The following TRIM61 variants were observed in gnomAD, a reference collection of about 807,000 sequenced individuals.
TRIM61 encodes the protein tripartite motif containing 61.
TRIM61 carries 1 observed loss-of-function variant against 14.2 expected under a neutral mutation model. The observed-to-expected ratio is 0.07, with a 90% CI of 0.03 to 0.33. TRIM61 has a LOEUF of 0.33. Ranked by LOEUF, TRIM61 falls within the 10% of genes least tolerant of loss-of-function variation. The pLI is 0.99. For missense variants in TRIM61, 19 were observed against 202.2 expected (o/e 0.09, Z 5.49); for synonymous variants, 8 against 71.6 (o/e 0.11, Z 4.49).
At chr4:164,971,494 G>A (rs1332075205) in intron 2 of TRIM61, among the ~76,000 whole-genome samples, 3 of 151,934 alleles carry the variant, frequency 2.0e-5, no homozygotes, top group African/African-American at 4.8e-5. Context: ...AGGAGGCTGA[G>A]GCAGGAGAAT....
chr4:164,970,446 G>A (rs1338370406), intron 2 of TRIM61, 107 bp from the exon 3 acceptor site: 3 of 173,902 alleles, frequency 1.7e-5, no homozygotes, highest in Non-Finnish European at 3.7e-5. Context: ...GGAAGTTCTT[G>A]GAAAAACAAG....
chr4:164,966,252 T>C (rs934220293), intron 3 of TRIM61, among the ~76,000 whole-genome samples: 5 of 152,144 alleles, frequency 3.3e-5, no homozygotes, highest in African/African-American at 9.7e-5. Flanking sequence ...GAAACTGTTA[T>C]AGAAAAAGCA....
rs1206019334 is a variant in TRIM61 at position 164,954,561 on chromosome 4, A to T, written c.*224T>A. 1.3e-5 allele frequency: 2 copies of T among 152,220 alleles called. No homozygotes were observed. Among genetic ancestry groups the T allele is most frequent in the Non-Finnish European group, 2.9e-5 (2 of 68,038 alleles). The allele number at this position is 152,220 out of a possible 1,614,324, so 9.4% of individuals were successfully genotyped here. A position where few individuals can be genotyped will look rare whatever the true frequency, so the allele number is the denominator to read the frequency against. ...TGATTATAATTCAATATGTTCTTGT[A>T]TTAATTAGCATATTTATATGTACAT... On this transcript the variant is annotated 3_prime_UTR_variant, in exon 5 of 5. Coordinates refer to ENST00000329314, the MANE Select transcript of TRIM61 (RefSeq NM_001012414.3).
In TRIM61 at chr4:164,977,590, C is replaced by T. The variant is rs553966856; in HGVS notation, c.-535G>A. The T allele has an allele frequency of 6.6e-6, 1 of 152,352 alleles. No homozygotes were observed. Among genetic ancestry groups the T allele is most frequent in the South Asian group, 2.1e-4 (1 of 4,822 alleles). The allele number at this position is 152,352 out of a possible 1,614,324, so 9.4% of individuals were successfully genotyped here. A position where few individuals can be genotyped will look rare whatever the true frequency, so the allele number is the denominator to read the frequency against. ...ATACTCAGGACCCACCGAGCCCCCG[C>T]GAGGAAGGACTCATACCCCAACCCC... On this transcript the variant is annotated 5_prime_UTR_variant, in exon 1 of 5. Coordinates refer to ENST00000329314, the MANE Select transcript of TRIM61 (RefSeq NM_001012414.3).
intron 3 of TRIM61, chr4:164,957,309 A>G: frequency 1.2e-6 from 2 of 1,614,142 alleles, no homozygotes; most frequent in Non-Finnish European, 1.7e-6. Context: ...TGGTGCCCAG[A>G]GAGGAATTTT....
chr4:164,955,034 G>A lies in TRIM61; in HGVS notation c.588C>T (p.Leu196=), dbSNP rs1322390382. Residue 196 remains leucine, a synonymous_variant, in exon 4 of 5, where the codon CTC becomes CTT. Transcript: ENST00000329314. ...AAGAATCGCTTGATCCCGGGAGGCG[G>A]AGGTTGAAGTGAGCCGAGATCGTGC... 2 of 270,354 alleles carry A rather than the reference G, an allele frequency of 7.4e-6. No homozygotes were observed. Among genetic ancestry groups the A allele is most frequent in the South Asian group, 3.0e-5 (1 of 33,056 alleles). 16.7% of individuals were successfully genotyped at this position (270,354 alleles called of 1,614,324 possible).
At chr4:164,960,652 G>A (rs1732112521) in intron 3 of TRIM61, among the ~76,000 whole-genome samples, 1 of 151,952 alleles carries the variant, frequency 6.6e-6, no homozygotes, top group Non-Finnish European at 1.5e-5. Flanking sequence ...TAATCTACAA[G>A]TATAAAAATA....
At chr4:164,962,692 T>TAAAAAA (rs145808366) in intron 3 of TRIM61, among the ~76,000 whole-genome samples, 4 of 139,774 alleles carry the variant, frequency 2.9e-5, no homozygotes, top group Admixed American at 7.1e-5. Flanking sequence ...CAAGAAATGT[T>TAAAAAA]AAAAAAAAAA....
chr4:164,957,264 G>A (rs142821305), intron 3 of TRIM61: 3 of 1,614,064 alleles, frequency 1.9e-6, no homozygotes, highest in Non-Finnish European at 2.5e-6. Context: ...TGGGAGAAGC[G>A]AATCGTTTTC....
chr4:164,960,849 G>A (rs1351065942), intron 3 of TRIM61, among the ~76,000 whole-genome samples: 1 of 151,932 alleles, frequency 6.6e-6, no homozygotes, highest in South Asian at 2.1e-4. Flanking sequence ...TATTTGGGAG[G>A]CTGTGGCAGG....
chr4:164,973,986 A>G (rs915447357), intron 2 of TRIM61, among the ~76,000 whole-genome samples: 1 of 152,246 alleles, frequency 6.6e-6, no homozygotes, highest in African/African-American at 2.4e-5. Context: ...CCTGGCCAAC[A>G]TGGTAAAACC....
intron 3 of TRIM61, among the ~76,000 whole-genome samples, chr4:164,967,977 C>G (rs1459320000): frequency 6.6e-6 from 1 of 151,996 alleles, no homozygotes; most frequent in Non-Finnish European, 1.5e-5. Flanking sequence ...CATGGTGAAA[C>G]CCCGTCTCTA....
In TRIM61 at chr4:164,954,689, T is replaced by A. The variant is rs1731940735; in HGVS notation, c.*96A>T. 1 of 153,048 alleles carries A rather than the reference T, an allele frequency of 6.5e-6. No individual in the cohort carries two copies. The highest frequency in any genetic ancestry group is 1.5e-5 in the Non-Finnish European group (1 of 68,532). 9.5% of individuals were successfully genotyped at this position (153,048 alleles called of 1,614,324 possible). On this transcript the variant is annotated 3_prime_UTR_variant, in exon 5 of 5. Transcript: ENST00000329314. The stretch of plus-strand genomic sequence containing the variant: ...CCCTACACATGGTTGGCAGCATGGC[T>A]ATAATCCCAGCACTTTGGGAGGTCA...
In TRIM61 at chr4:164,970,182, GCT is replaced by G. The variant is rs1289586391; in HGVS notation, c.-182_-181del. ...CTTCTAGAAACTTGTTAAGCCCTCA[GCT>G]CCTTAGCTTCAGAGTCTACTGCCAC... On this transcript the variant is annotated 5_prime_UTR_variant, in exon 3 of 5. Transcript: ENST00000329314. The G allele has an allele frequency of 5.0e-5, 31 of 624,722 alleles. No individual in the cohort carries two copies. The East Asian group carries it at 9.1e-4, about 18-fold the overall frequency. 38.7% of individuals were successfully genotyped at this position (624,722 alleles called of 1,614,324 possible). A position where few individuals can be genotyped will look rare whatever the true frequency, so the allele number is the denominator to read the frequency against.
At chr4:164,957,473 C>T (rs1301346658) in intron 3 of TRIM61, 1 of 1,613,386 alleles carries the variant, frequency 6.2e-7, no homozygotes, top group East Asian at 2.2e-5. Context: ...GGGCTGGCTC[C>T]CGCTGGGCTC....
At chr4:164,960,281 A>T (rs1732103719) in intron 3 of TRIM61, among the ~76,000 whole-genome samples, 2 of 152,156 alleles carry the variant, frequency 1.3e-5, no homozygotes, top group South Asian at 4.1e-4. Flanking sequence ...ACGATGGTTC[A>T]TGCTTGTAAT....
chr4:164,972,616 G>A (rs1732394419), intron 2 of TRIM61, among the ~76,000 whole-genome samples: 1 of 152,178 alleles, frequency 6.6e-6, no homozygotes, highest in African/African-American at 2.4e-5. Context: ...AGCCTCTTGA[G>A]TAGCTGGGCC....
At chr4:164,967,305 TA>T (rs1732264088) in intron 3 of TRIM61, among the ~76,000 whole-genome samples, 1 of 152,214 alleles carries the variant, frequency 6.6e-6, no homozygotes, top group Admixed American at 6.5e-5. Flanking sequence ...CGTATTAATC[TA>T]AAAAGATACA....
At chr4:164,965,446 C>CTTTTTTTTTTTTTTTTT in intron 3 of TRIM61, among the ~76,000 whole-genome samples, 1 of 126,294 alleles carries the variant, frequency 7.9e-6, no homozygotes, top group Non-Finnish European at 1.6e-5. Flanking sequence ...TCTGCCTATG[C>CTTTTTTTTTTTTTTTTT]TTTTTTTTTT....
Sources: gnomAD v4.1 joint callset for allele counts (sites outside exome capture counted in the v4.1 genomes callset) on GRCh38, gnomAD v4.1.1 for gene constraint, MANE v1.5 for transcripts, NCBI Gene and HGNC (gene_info 2026-07-23, HGNC 2026-07-21) for gene names.